AK8: variants seen among roughly 807,000 people sequenced by gnomAD.
AK8 encodes the protein ATP-AMP transphosphorylase 8.
A neutral mutation model predicts 54.6 loss-of-function variants in AK8; 44 were observed. That is an observed-to-expected ratio of 0.81 (90% CI 0.63 to 1.04). The LOEUF is 1.04. Among genes scored for constraint, AK8 ranks in the 50% least tolerant of loss-of-function variants. The pLI is 0.00. For synonymous variants in AK8, 239 were observed against 245.6 expected (o/e 0.97, Z 0.25); for missense variants, 555 against 613.6 (o/e 0.90, Z 1.01).
At chr9:132,820,647 T>C (rs1046305110) in intron 9 of AK8, among the ~76,000 whole-genome samples, 1 of 152,242 alleles carries the variant, frequency 6.6e-6, no homozygotes, top group Non-Finnish European at 1.5e-5. Flanking sequence ...GGCTTTCGCC[T>C]TTCAGAAAGT....
At chr9:132,755,417 A>C (rs1838141631) in intron 11 of AK8, among the ~76,000 whole-genome samples, 1 of 152,100 alleles carries the variant, frequency 6.6e-6, no homozygotes. Context: ...GCAAACCTCA[A>C]AGAATGCGCT....
At chr9:132,797,473 C>A (rs1840227572) in intron 10 of AK8, among the ~76,000 whole-genome samples, 2 of 152,156 alleles carry the variant, frequency 1.3e-5, no homozygotes, top group African/African-American at 4.8e-5. Flanking sequence ...TCCTCTCAGT[C>A]GTTCCATTCA....
chr9:132,862,699 T>C (rs1564444887), intron 4 of AK8, among the ~76,000 whole-genome samples: 2 of 152,108 alleles, frequency 1.3e-5, no homozygotes, highest in African/African-American at 4.8e-5. Flanking sequence ...ACATCTGAGC[T>C]CTGTGGCCTC....
chr9:132,851,946 G>A (rs1377329828), intron 5 of AK8, among the ~76,000 whole-genome samples: 2 of 152,282 alleles, frequency 1.3e-5, no homozygotes, highest in Admixed American at 6.5e-5. Flanking sequence ...TCACCACCAC[G>A]TAACTCAGAT....
chr9:132,823,276 A>T lies in AK8; in HGVS notation c.818T>A (p.Leu273Gln). The stretch of plus-strand genomic sequence containing the variant: ...TTTCCCACTGCCCACAGGCCCGAGC[A>T]GCAGCACCCTCGGGGTGAACGGGGC... ...TNAPFTPRVL[L>Q]LGPVGSGKSL... Residue 273 changes from leucine to glutamine, a missense_variant, in exon 9 of 13, where the codon CTG becomes CAG. Transcript: ENST00000298545. 1 of 1,613,050 alleles carries T rather than the reference A, an allele frequency of 6.2e-7. No individual in the cohort carries two copies. The highest frequency in any genetic ancestry group is 8.5e-7 in the Non-Finnish European group (1 of 1,179,536).
chr9:132,878,589 A>T (rs373907926), upstream of AK8: 1 of 1,104,680 alleles, frequency 9.1e-7, no homozygotes. The surrounding 1 kb of genome is among the most constrained non-coding windows in gnomAD (Gnocchi z 4.7). Flanking sequence ...GACGGGAGGC[A>T]GAACCTGCTT....
chr9:132,791,025 G>C lies in AK8; in HGVS notation c.1121+1609C>G, dbSNP rs1255721983. 6.6e-6 allele frequency among the ~76,000 whole-genome samples: 1 copy of C among 152,146 alleles called. No homozygotes were observed. The highest frequency in any genetic ancestry group is 6.5e-5 in the Admixed American group (1 of 15,274). Reference sequence around the variant, plus strand: ...GATATTTTCACTAGAAGCAAAGACAGAATATATCCATGTCAAACTGTAACG... The same window carrying C: ...GATATTTTCACTAGAAGCAAAGACACAATATATCCATGTCAAACTGTAACG... On this transcript the variant is annotated intron_variant, in intron 11 of 12. Coordinates refer to ENST00000298545, the MANE Select transcript of AK8 (RefSeq NM_152572.3). The surrounding 1 kb of genome is among the most constrained non-coding windows in gnomAD (Gnocchi z 4.0).
intron 10 of AK8, among the ~76,000 whole-genome samples, chr9:132,797,138 G>T (rs1037906188): frequency 6.6e-6 from 1 of 152,044 alleles, no homozygotes; most frequent in Non-Finnish European, 1.5e-5. Flanking sequence ...CATCACAAGC[G>T]CACATCAGTA....
intron 10 of AK8, among the ~76,000 whole-genome samples, chr9:132,794,347 C>G (rs773649169): frequency 5.9e-5 from 9 of 152,198 alleles, no homozygotes; most frequent in Non-Finnish European, 1.3e-4. Flanking sequence ...CTGCCTTCCT[C>G]CCAGGTGAAT....
chr9:132,800,178 G>A (rs112068552), intron 10 of AK8, among the ~76,000 whole-genome samples: 1,642 of 152,236 alleles, frequency 0.011, 36 homozygotes, highest in African/African-American at 0.037. Flanking sequence ...TCTCGGGATG[G>A]CACTGATTCC....
chr9:132,859,960 T>C (rs999494108), intron 4 of AK8, among the ~76,000 whole-genome samples: 3 of 152,070 alleles, frequency 2.0e-5, no homozygotes, highest in Admixed American at 2.0e-4. Context: ...TTTCACGGTG[T>C]TCGGCGAGAG....
At chr9:132,848,143 A>AAAAAAAAAAACT (rs1842831014) in intron 5 of AK8, among the ~76,000 whole-genome samples, 1 of 93,214 alleles carries the variant, frequency 1.1e-5, no homozygotes, top group African/African-American at 3.7e-5. Context: ...AAAAAAAAAA[A>AAAAAAAAAAACT]GATTGAAGAG....
intron 9 of AK8, 96 bp downstream of exon 9, chr9:132,823,109 C>T (rs546600486): frequency 4.1e-6 from 6 of 1,463,034 alleles, no homozygotes; most frequent in South Asian, 2.9e-5. Flanking sequence ...CCCTTCCCCC[C>T]CAACACCACC....
chr9:132,755,931 C>T lies in AK8; in HGVS notation c.1122-28397G>A, dbSNP rs568264007. ...CACAGGCATGCGCCACCATGCCTGG[C>T]TAATTTTGTATTTTTAGTAGAGACG... On this transcript the variant is annotated intron_variant, in intron 11 of 12. Transcript: ENST00000298545. 3.3e-5 allele frequency among the ~76,000 whole-genome samples: 5 copies of T among 152,244 alleles called. No homozygotes were observed. In the South Asian group the frequency reaches 1.0e-3, roughly 32 times the overall value.
chr9:132,806,911 C>T (rs1415320305), intron 10 of AK8, among the ~76,000 whole-genome samples: 4 of 152,114 alleles, frequency 2.6e-5, no homozygotes, highest in African/African-American at 9.7e-5. Context: ...TCAAATCTCC[C>T]GCCTTTTCTC....
intron 10 of AK8, among the ~76,000 whole-genome samples, chr9:132,797,296 C>CGAAG (rs892284410): frequency 1.3e-5 from 2 of 150,998 alleles, no homozygotes; most frequent in South Asian, 2.1e-4. Context: ...CTAATAAACA[C>CGAAG]GAAGGAAGGA....
intron 3 of AK8, among the ~76,000 whole-genome samples, chr9:132,864,260 A>C (rs1247191159): frequency 1.3e-5 from 2 of 152,196 alleles, no homozygotes; most frequent in Non-Finnish European, 2.9e-5. Flanking sequence ...AGTAAATTTT[A>C]AGGGAGAATA....
intron 11 of AK8, among the ~76,000 whole-genome samples, chr9:132,792,001 C>T (rs1839966788): frequency 6.6e-6 from 1 of 152,254 alleles, no homozygotes; most frequent in South Asian, 2.1e-4. Flanking sequence ...TTCCCACCTT[C>T]CACTAGAATG....
chr9:132,848,372 T>C (rs1018595293), intron 5 of AK8, among the ~76,000 whole-genome samples: 1 of 152,054 alleles, frequency 6.6e-6, no homozygotes, highest in Non-Finnish European at 1.5e-5. Context: ...GTAAAAGAGG[T>C]GGGAAACCTT....
Sources: gnomAD v4.1 joint callset for allele counts (sites outside exome capture counted in the v4.1 genomes callset) on GRCh38, gnomAD v4.1.1 for gene constraint, Gnocchi (gnomAD v3.1) non-coding constraint, MANE v1.5 for transcripts, NCBI Gene and HGNC (gene_info 2026-07-23, HGNC 2026-07-21) for gene names.